RC3H2: variants seen among roughly 807,000 people sequenced by gnomAD.
The protein encoded by RC3H2 is roquin-2.
Under a neutral mutation model 133.3 loss-of-function variants are expected in RC3H2, and 31 were observed. The observed-to-expected ratio is 0.23, with a 90% CI of 0.17 to 0.31. RC3H2 has a LOEUF of 0.31. Ranked by LOEUF, RC3H2 falls within the 10% of genes least tolerant of loss-of-function variation. The pLI is 1.00. For missense variants in RC3H2, 1,175 were observed against 1,437.2 expected, an observed-to-expected ratio of 0.82 and a Z score of 2.95; for synonymous variants, 517 against 502.2, an observed-to-expected ratio of 1.03 and a Z score of -0.40.
intron 8 of RC3H2, 31 bp from the exon 9 acceptor site, chr9:122,877,614 G>T: frequency 6.6e-7 from 1 of 1,518,864 alleles, no homozygotes; most frequent in Non-Finnish European, 9.1e-7. Flanking sequence ...TCAATGAGTG[G>T]CAAGGTGAAG....
intron 1 of RC3H2, among the ~76,000 whole-genome samples, chr9:122,902,346 A>C (rs921685075): frequency 1.8e-4 from 27 of 152,244 alleles, no homozygotes; most frequent in African/African-American, 6.0e-4. Flanking sequence ...TTCATCCTTC[A>C]TATTACCAAA....
chr9:122,883,525 A>G (rs1435550415), intron 4 of RC3H2, 146 bp from the exon 5 acceptor site: 6 of 533,236 alleles, frequency 1.1e-5, no homozygotes, highest in African/African-American at 7.9e-5. Context: ...CATCACACGT[A>G]CATAATTTAA....
chr9:122,854,500 G>A (rs932606438), intron 16 of RC3H2, 31 bp downstream of exon 16: 10 of 1,521,244 alleles, frequency 6.6e-6, no homozygotes, highest in East Asian at 4.5e-5. Context: ...TCTGAGAATG[G>A]AGAATCATAT....
chr9:122,884,120 C>G (rs1831784887), intron 4 of RC3H2, among the ~76,000 whole-genome samples: 1 of 152,092 alleles, frequency 6.6e-6, no homozygotes, highest in South Asian at 2.1e-4. Flanking sequence ...TGGTGAAACC[C>G]CGCCTCTACT....
chr9:122,867,892 TGG>T (rs1477860287), intron 9 of RC3H2, among the ~76,000 whole-genome samples: 2 of 44,334 alleles, frequency 4.5e-5, no homozygotes, highest in South Asian at 2.8e-3. Context: ...GGGAGGGAGG[TGG>T]GGGGGTCAGC....
In RC3H2 at chr9:122,844,705, C is replaced by G. The variant is rs1829830314; in HGVS notation, c.*4922G>C. 6.6e-6 allele frequency: 1 copy of G among 152,200 alleles called. No homozygotes were observed. Among genetic ancestry groups the G allele is most frequent in the Non-Finnish European group, 1.5e-5 (1 of 68,032 alleles). The allele number at this position is 152,200 out of a possible 1,614,324, so 9.4% of individuals were successfully genotyped here. ...CTAATATCTCTTCACTTCAGTGCTA[C>G]AGCAAAAACACACAGAATTCACTCT... is the stretch of plus-strand genomic sequence containing the variant. On this transcript the variant is annotated 3_prime_UTR_variant, in exon 21 of 21. Transcript: ENST00000357244.
At chr9:122,876,340 T>C (rs558428461) in intron 9 of RC3H2, among the ~76,000 whole-genome samples, 17 of 152,154 alleles carry the variant, frequency 1.1e-4, no homozygotes, top group Admixed American at 7.2e-4. Flanking sequence ...AAAGAGTTGA[T>C]AGACAGGGCA....
At position 122,858,410 on chromosome 9, in the gene RC3H2, T is replaced by C. The variant is rs140203538; in HGVS notation, c.2283+259A>G. On this transcript the variant is annotated intron_variant, in intron 12 of 20. Coordinates refer to ENST00000357244, the MANE Select transcript of RC3H2 (RefSeq NM_001100588.3). ...TTCCCAACAATTTCCTATCCAAATA[T>C]AACATTTATTGAGCATTAACATGTA... is the stretch of plus-strand genomic sequence containing the variant. Among the ~76,000 whole-genome samples the C allele has an allele frequency of 5.8e-3, 877 of 152,330 alleles. 17 individuals are homozygous for C. The highest frequency in any genetic ancestry group is 7.1e-3 in the Non-Finnish European group (483 of 68,022).
At position 122,892,319 on chromosome 9, in the gene RC3H2, C is replaced by T. The variant is rs549816506; in HGVS notation, c.349+590G>A. ...GTAGAGATGGGCTTTCGCCTTGTTG[C>T]CCAGGCTGGTCTCAAACTCCTGGGC... On this transcript the variant is annotated intron_variant, in intron 3 of 20. Transcript: ENST00000357244. Among the ~76,000 whole-genome samples, 4 of 152,196 alleles carry T rather than the reference C, an allele frequency of 2.6e-5. No homozygotes were observed. The South Asian group carries it at 8.3e-4, about 32-fold the overall frequency.
chr9:122,850,860 C>A (rs1432125488), intron 20 of RC3H2, among the ~76,000 whole-genome samples: 1 of 152,204 alleles, frequency 6.6e-6, no homozygotes. Context: ...TGCTGGAACA[C>A]AGATTAACTT....
intron 4 of RC3H2, 22 bp downstream of exon 4, chr9:122,890,290 G>A (rs747547732): frequency 5.6e-6 from 9 of 1,600,556 alleles, no homozygotes; most frequent in African/African-American, 2.7e-5. Context: ...AATAAAAAAG[G>A]TAAGATAGTA....
chr9:122,888,083 G>A (rs1378831919), intron 4 of RC3H2, among the ~76,000 whole-genome samples: 1 of 151,918 alleles, frequency 6.6e-6, no homozygotes, highest in Non-Finnish European at 1.5e-5. Flanking sequence ...TCTTGGTTCT[G>A]GTGGCATTAA....
chr9:122,852,245 G>A (rs1830057689), intron 18 of RC3H2, among the ~76,000 whole-genome samples: 1 of 151,330 alleles, frequency 6.6e-6, no homozygotes, highest in South Asian at 2.1e-4. Context: ...GAGAAGTGAG[G>A]AGACCCTCCG....
chr9:122,862,157 T>C (rs912658768), intron 10 of RC3H2, among the ~76,000 whole-genome samples: 2 of 152,314 alleles, frequency 1.3e-5, no homozygotes, highest in East Asian at 1.9e-4. Flanking sequence ...TCAACATTTA[T>C]TGCCTCATGA....
chr9:122,877,614 GCAAGGTGAAGATTC>G (rs1564303753), intron 8 of RC3H2, 31 bp from the exon 9 acceptor site: 2 of 1,518,866 alleles, frequency 1.3e-6, no homozygotes, highest in Admixed American at 3.4e-5. Flanking sequence ...TCAATGAGTG[GCAAGGTGAAGATTC>G]CATTTGTTAT....
chr9:122,880,543 T>G, intron 6 of RC3H2, 51 bp downstream of exon 6: 1 of 1,379,028 alleles, frequency 7.3e-7, no homozygotes, highest in Non-Finnish European at 1.0e-6. Flanking sequence ...ATTCTAATAC[T>G]CTTCAATGTA....
intron 9 of RC3H2, among the ~76,000 whole-genome samples, chr9:122,867,060 G>A (rs1192827163): frequency 3.7e-5 from 5 of 136,340 alleles, no homozygotes; most frequent in African/African-American, 1.1e-4. Flanking sequence ...CCGCGACCCC[G>A]TCTGGGAGGT....
chr9:122,895,541 T>C (rs984144778), intron 2 of RC3H2, among the ~76,000 whole-genome samples: 2 of 152,192 alleles, frequency 1.3e-5, no homozygotes, highest in East Asian at 1.9e-4. Flanking sequence ...GGCAACATTT[T>C]ATACTCCATT....
intron 9 of RC3H2, among the ~76,000 whole-genome samples, chr9:122,868,882 TGTGTGTGTATG>T (rs1186778016): frequency 0.066 from 1,652 of 25,164 alleles, 75 homozygotes; most frequent in South Asian, 0.23. Context: ...TGTGTGTGTG[TGTGTGTGTATG>T]TGTTTTTTTT....
Sources: allele counts gnomAD v4.1 joint callset (sites outside exome capture counted in the v4.1 genomes callset), GRCh38; gene constraint gnomAD v4.1.1; transcripts MANE v1.5; gene names NCBI Gene and HGNC (gene_info 2026-07-23, HGNC 2026-07-21).